ZFHX3: variants seen among roughly 807,000 people sequenced by gnomAD.
ZFHX3 encodes the protein zinc finger homeobox protein 3.
Under a neutral mutation model 279.1 loss-of-function variants are expected in ZFHX3, and 42 were observed. The observed-to-expected ratio is 0.15, with a 90% CI of 0.12 to 0.19. The LOEUF (loss-of-function observed/expected upper bound fraction) is 0.19. Ranked by LOEUF, ZFHX3 falls within the 10% of genes least tolerant of loss-of-function variation. ZFHX3 has a pLI of 1.00. For synonymous variants in ZFHX3, 2,293 were observed against 1,957.8 expected (o/e 1.17, Z -4.52); for missense variants, 4,981 against 4,754.0 (o/e 1.05, Z -1.40).
chr16:73,768,826 G>A (rs899183414), intron 1 of ZFHX3, among the ~76,000 whole-genome samples: 1 of 152,112 alleles, frequency 6.6e-6, no homozygotes, highest in Non-Finnish European at 1.5e-5. Context: ...CTACAGCATT[G>A]CACTGAGAGA....
At chr16:73,326,404 T>A (rs1170126567) in intron 3 of ZFHX3, among the ~76,000 whole-genome samples, 1 of 152,154 alleles carries the variant, frequency 6.6e-6, no homozygotes, top group Non-Finnish European at 1.5e-5. Flanking sequence ...ATGCAGTGGG[T>A]GCTCATGAGT....
In ZFHX3 at chr16:73,163,001, C is replaced by G. The variant is rs1967275062; in HGVS notation, c.-1103-19170G>C. On this transcript the variant is annotated intron_variant, in intron 5 of 17. Coordinates refer to the ZFHX3 transcript ENST00000641206. ...TCAGATTCCAGGAACATGTGGTCTT[C>G]AGGTGTTTTCTGTAGCTTTTCCCTC... 2.0e-5 allele frequency among the ~76,000 whole-genome samples: 3 copies of G among 152,166 alleles called. No homozygotes were observed. In the South Asian group the frequency reaches 6.2e-4, roughly 32 times the overall value.
chr16:73,334,195 G>C (rs1402883731), intron 3 of ZFHX3, among the ~76,000 whole-genome samples: 2 of 152,118 alleles, frequency 1.3e-5, no homozygotes, highest in Non-Finnish European at 2.9e-5. Flanking sequence ...AAAGCAGAGG[G>C]GGCCACGGAG....
chr16:72,908,948 G>C (rs2039252541), intron 3 of ZFHX3, among the ~76,000 whole-genome samples: 1 of 152,194 alleles, frequency 6.6e-6, no homozygotes, highest in Admixed American at 6.5e-5. Flanking sequence ...AATGAGCACT[G>C]TCCTTCCCAT....
intron 5 of ZFHX3, among the ~76,000 whole-genome samples, chr16:73,239,833 T>C (rs2013064760): frequency 6.6e-6 from 1 of 152,220 alleles, no homozygotes; most frequent in Non-Finnish European, 1.5e-5. Flanking sequence ...GCACTGATTC[T>C]TGTTATTTGC....
At chr16:73,093,516 C>T (rs1023150361) in exon 8 of ZFHX3, 5 of 505,382 alleles carry the variant, frequency 9.9e-6, no homozygotes, top group Non-Finnish European at 2.0e-5. Flanking sequence ...TAGCTGCGCC[C>T]TGTCCACTCT....
intron 2 of ZFHX3, among the ~76,000 whole-genome samples, chr16:73,523,591 T>C (rs1236101558): frequency 6.7e-6 from 1 of 150,118 alleles, no homozygotes; most frequent in Non-Finnish European, 1.5e-5. Flanking sequence ...TACACAGTGC[T>C]GGGGGTAGGG....
At chr16:73,827,778 A>G (rs1430891561) in intron 1 of ZFHX3, among the ~76,000 whole-genome samples, 1 of 124,488 alleles carries the variant, frequency 8.0e-6, no homozygotes, top group Non-Finnish European at 1.6e-5. Context: ...ATAGTTTGTT[A>G]TAATTTCTGT....
intron 5 of ZFHX3, among the ~76,000 whole-genome samples, chr16:73,183,010 G>A (rs1004600088): frequency 1.3e-5 from 2 of 152,174 alleles, no homozygotes; most frequent in Non-Finnish European, 2.9e-5. Context: ...TTCAAGACCA[G>A]CCTGACCAAT....
intron 1 of ZFHX3, among the ~76,000 whole-genome samples, chr16:73,055,872 A>ACACACACT (rs1320637770): frequency 6.6e-6 from 1 of 151,558 alleles, no homozygotes; most frequent in South Asian, 2.1e-4. Context: ...ACACACACAC[A>ACACACACT]CGCAGAGAAC....
At chr16:73,164,743 T>C (rs1303481860) in intron 5 of ZFHX3, among the ~76,000 whole-genome samples, 1 of 152,046 alleles carries the variant, frequency 6.6e-6, no homozygotes, top group Non-Finnish European at 1.5e-5. Flanking sequence ...CACCATCTAT[T>C]TGGCTATTGC....
chr16:73,648,075 T>C (rs777999376), intron 2 of ZFHX3, among the ~76,000 whole-genome samples: 1 of 152,214 alleles, frequency 6.6e-6, no homozygotes, highest in Non-Finnish European at 1.5e-5. Context: ...TTCTGGAGGA[T>C]CATTTGGCAA....
At chr16:72,884,746 C>T (rs753355069) in intron 4 of ZFHX3, among the ~76,000 whole-genome samples, 3 of 152,172 alleles carry the variant, frequency 2.0e-5, no homozygotes, top group Non-Finnish European at 4.4e-5. Context: ...CCAGAAATGC[C>T]TTTTAAATAA....
chr16:72,989,092 T>C (rs1286507361), intron 1 of ZFHX3, among the ~76,000 whole-genome samples: 2 of 151,950 alleles, frequency 1.3e-5, no homozygotes, highest in African/African-American at 4.8e-5. Flanking sequence ...GAGGATCACT[T>C]AGCCCAGAAG....
intron 3 of ZFHX3, among the ~76,000 whole-genome samples, chr16:72,914,018 G>GT (rs1293270469): frequency 1.3e-5 from 2 of 152,218 alleles, no homozygotes; most frequent in Admixed American, 1.3e-4. Context: ...GGAACCAAGA[G>GT]GTTAAATCAC....
At chr16:73,164,509 G>C (rs2038887854) in intron 5 of ZFHX3, among the ~76,000 whole-genome samples, 1 of 152,130 alleles carries the variant, frequency 6.6e-6, no homozygotes, top group Non-Finnish European at 1.5e-5. Flanking sequence ...AGACCAGCCT[G>C]ACCAACATGG....
intron 2 of ZFHX3, among the ~76,000 whole-genome samples, chr16:73,616,713 T>C (rs969956223): frequency 3.3e-5 from 5 of 152,168 alleles, no homozygotes; most frequent in African/African-American, 9.7e-5. Context: ...ATCTTGGATG[T>C]TATTTATGAT....
intron 2 of ZFHX3, among the ~76,000 whole-genome samples, chr16:73,494,104 G>C (rs773545321): frequency 2.0e-5 from 3 of 152,076 alleles, no homozygotes; most frequent in East Asian, 3.9e-4. Flanking sequence ...GTCGCTTCCC[G>C]GTAGGTGCAG....
chr16:72,791,151 C>T (rs1036746196), intron 9 of ZFHX3: 5 of 152,186 alleles, frequency 3.3e-5, no homozygotes, highest in African/African-American at 1.2e-4. Flanking sequence ...ACGTGTGACC[C>T]TGGGACTTTC....
Sources: allele counts gnomAD v4.1 joint callset (sites outside exome capture counted in the v4.1 genomes callset), GRCh38; gene constraint gnomAD v4.1.1; transcripts MANE v1.5; gene names NCBI Gene and HGNC (gene_info 2026-07-23, HGNC 2026-07-21).